Variants in TSNARE1 observed in about 807,000 individuals in gnomAD.
The protein encoded by TSNARE1 is t-SNARE domain containing 1.
TSNARE1 carries 49 observed loss-of-function variants against 62.0 expected under a neutral mutation model. The observed-to-expected ratio is 0.79, with a 90% CI of 0.63 to 1.00. The LOEUF (loss-of-function observed/expected upper bound fraction) is 1.00, where lower values mean the gene tolerates loss of function less well. Ranked by LOEUF, TSNARE1 falls within the 50% of genes least tolerant of loss-of-function variation. The pLI is 0.00. For synonymous variants in TSNARE1, 328 were observed against 294.4 expected, an observed-to-expected ratio of 1.11 and a Z score of -1.17; for missense variants, 755 against 700.1, an observed-to-expected ratio of 1.08 and a Z score of -0.88.
intron 4 of TSNARE1, among the ~76,000 whole-genome samples, chr8:142,342,024 G>A (rs568309238): frequency 1.0e-3 from 156 of 152,346 alleles, no homozygotes; most frequent in Non-Finnish European, 1.7e-3. Flanking sequence ...CTGCTGGGGC[G>A]ACTGAGCCAC....
chr8:142,306,489 T>C (rs1826690230), intron 9 of TSNARE1, among the ~76,000 whole-genome samples: 3 of 152,222 alleles, frequency 2.0e-5, no homozygotes. Context: ...AAGCTGGGTC[T>C]GAGACTGACC....
rs560360180 is a variant in TSNARE1 at position 142,220,275 on chromosome 8, G to A, written c.*12-7962C>T. 2.0e-5 allele frequency among the ~76,000 whole-genome samples: 3 copies of A among 152,302 alleles called. 1 individual carries two copies. The South Asian group carries it at 6.2e-4, about 32-fold the overall frequency. On this transcript the variant is annotated intron_variant, in intron 13 of 13. Coordinates refer to ENST00000524325, the MANE Select transcript of TSNARE1 (RefSeq NM_145003.5). Reference sequence around the variant, plus strand: ...ACAGATGAGGAAACTGAGGCTCAGAGAGGGGAAGCCCCATGCAGAGGCCCC... The same window carrying A: ...ACAGATGAGGAAACTGAGGCTCAGAAAGGGGAAGCCCCATGCAGAGGCCCC...
At chr8:142,308,651 T>A (rs1218281407) in intron 9 of TSNARE1, among the ~76,000 whole-genome samples, 1 of 152,226 alleles carries the variant, frequency 6.6e-6, no homozygotes, top group Non-Finnish European at 1.5e-5. Context: ...AACACCACAC[T>A]GTTTTCATTT....
chr8:142,376,487 C>T (rs1228214218), intron 1 of TSNARE1, among the ~76,000 whole-genome samples: 1 of 152,158 alleles, frequency 6.6e-6, no homozygotes, highest in Non-Finnish European at 1.5e-5. Context: ...GAGCTCCGGC[C>T]GTCTTTCCAC....
chr8:142,292,888 C>T (rs960610362), intron 10 of TSNARE1, among the ~76,000 whole-genome samples: 9 of 152,102 alleles, frequency 5.9e-5, no homozygotes, highest in Admixed American at 2.6e-4. Flanking sequence ...TCTACAGCCC[C>T]GCACCACCAC....
chr8:142,256,277 CCA>C (rs1818546816), intron 12 of TSNARE1, among the ~76,000 whole-genome samples: 5 of 116,104 alleles, frequency 4.3e-5, no homozygotes, highest in African/African-American at 6.5e-5. Flanking sequence ...ATCACCACCA[CCA>C]TTACCATCAT....
In TSNARE1 at chr8:142,273,076, G is replaced by A. The variant is rs984745259; in HGVS notation, c.1446+1705C>T. 8.1e-6 allele frequency: 8 copies of A among 985,282 alleles called. No individual in the cohort carries two copies. In the African/African-American group the frequency reaches 1.4e-4, roughly 17 times the overall value. 61.0% of individuals were successfully genotyped at this position (985,282 alleles called of 1,614,324 possible). On this transcript the variant is annotated intron_variant, in intron 12 of 13. Coordinates refer to ENST00000524325, the MANE Select transcript of TSNARE1 (RefSeq NM_145003.5). ...GCCCACCTCCTCTGCAGTGTGTCGG[G>A]GGGGCGGTGCCTGCTCTGCCAGGAC...
chr8:142,295,284 C>T (rs1469028828), intron 10 of TSNARE1, among the ~76,000 whole-genome samples: 5 of 152,256 alleles, frequency 3.3e-5, no homozygotes, highest in South Asian at 2.1e-4. Flanking sequence ...AGACCCTGCA[C>T]CCTCCAGAGA....
At chr8:142,387,786 AG>A (rs1837209233) in intron 1 of TSNARE1, among the ~76,000 whole-genome samples, 1 of 152,212 alleles carries the variant, frequency 6.6e-6, no homozygotes, top group Admixed American at 6.5e-5. Context: ...AAAACAAAAA[AG>A]CACCAGGTCC....
chr8:142,394,186 C>T (rs1436620081), intron 1 of TSNARE1, among the ~76,000 whole-genome samples: 1 of 152,232 alleles, frequency 6.6e-6, no homozygotes, highest in Non-Finnish European at 1.5e-5. Context: ...CCTCCATACC[C>T]TCTCACACCG....
intron 2 of TSNARE1, among the ~76,000 whole-genome samples, chr8:142,351,745 C>T (rs768615400): frequency 6.6e-6 from 1 of 152,150 alleles, no homozygotes; most frequent in Non-Finnish European, 1.5e-5. Flanking sequence ...GATTTTGGCA[C>T]AGGAAAAGCA....
rs375322950 is a variant in TSNARE1, at chr8:142,312,684, C to T, written c.1131+1700G>A. ...GACTCTCACATCACGCACACACCAGCGAATATGGATCAGCAAAAGCCTGCC... is the reference window on the plus strand; with the variant it reads ...GACTCTCACATCACGCACACACCAGTGAATATGGATCAGCAAAAGCCTGCC... On this transcript the variant is annotated intron_variant, in intron 9 of 13. Transcript: ENST00000524325. Among the ~76,000 whole-genome samples, 9 of 152,280 alleles carry T rather than the reference C, an allele frequency of 5.9e-5. No individual in the cohort carries two copies. The East Asian group carries it at 9.6e-4, about 16-fold the overall frequency.
rs911132275 is a variant in TSNARE1, at chr8:142,282,900, G to A, written c.1363+1513C>T. Among the ~76,000 whole-genome samples the A allele has an allele frequency of 8.9e-5, 13 of 146,566 alleles. 1 individual carries two copies. Among genetic ancestry groups the A allele is most frequent in the Non-Finnish European group, 1.8e-4 (12 of 66,464 alleles). The stretch of plus-strand genomic sequence containing the variant: ...CCACTGTCTGTCAATGAGCAGAGGC[G>A]GGGCCAGTGTCTGTCAATGAGCGGA... On this transcript the variant is annotated intron_variant, in intron 11 of 13. Transcript: ENST00000524325.
intron 1 of TSNARE1, among the ~76,000 whole-genome samples, chr8:142,372,235 C>A (rs1835966528): frequency 6.6e-6 from 1 of 152,200 alleles, no homozygotes; most frequent in East Asian, 1.9e-4. Flanking sequence ...CGCAGCACGA[C>A]AGACAGAGGA....
At chr8:142,225,706 C>A (rs1816738876) in intron 13 of TSNARE1, among the ~76,000 whole-genome samples, 1 of 152,226 alleles carries the variant, frequency 6.6e-6, no homozygotes. Context: ...GTGATGCCTG[C>A]CCCATGGCCC....
chr8:142,400,568 G>A (rs1028064336), intron 1 of TSNARE1, among the ~76,000 whole-genome samples: 9 of 151,766 alleles, frequency 5.9e-5, no homozygotes, highest in East Asian at 3.9e-4. Flanking sequence ...ATGAAACCCC[G>A]TCTCTACTAA....
rs139315647 is a variant in TSNARE1 at position 142,329,337 on chromosome 8, G to A, written c.893+1564C>T. Among the ~76,000 whole-genome samples, 467 of 152,296 alleles carry A rather than the reference G, an allele frequency of 3.1e-3. 2 individuals are homozygous for A. The highest frequency in any genetic ancestry group is 0.031 in the Middle Eastern group (9 of 294). On this transcript the variant is annotated intron_variant, in intron 6 of 13. Transcript: ENST00000524325. Reference sequence around the variant, plus strand: ...AGACCAGGACAGTCTCCTACTCCACGCTGGGGTCCCCTCTCCTCTCCGAGG... The same window carrying A: ...AGACCAGGACAGTCTCCTACTCCACACTGGGGTCCCCTCTCCTCTCCGAGG...
At chr8:142,261,071 GGAGA>G in intron 12 of TSNARE1, among the ~76,000 whole-genome samples, 1 of 6,648 alleles carries the variant, frequency 1.5e-4, no homozygotes, top group Non-Finnish European at 3.1e-4. Flanking sequence ...GCAGGAGGGA[GGAGA>G]GAGGAAAGGA....
At chr8:142,276,979 G>A (rs1820600722) in intron 11 of TSNARE1, 3 of 985,360 alleles carry the variant, frequency 3.0e-6, no homozygotes, top group African/African-American at 1.7e-5. Flanking sequence ...ATGCACAAGG[G>A]GAGGGGGGCT....
Sources: allele counts gnomAD v4.1 joint callset (sites outside exome capture counted in the v4.1 genomes callset), GRCh38; gene constraint gnomAD v4.1.1; transcripts MANE v1.5; gene names NCBI Gene and HGNC (gene_info 2026-07-23, HGNC 2026-07-21).